RBFOX1: variants seen among roughly 807,000 people sequenced by gnomAD.
The protein encoded by RBFOX1 is RNA binding protein fox-1 homolog 1.
In RBFOX1, 8 loss-of-function variants were observed where a neutral mutation model predicts 57.7. The observed-to-expected ratio is 0.14, with a 90% CI of 0.08 to 0.25. RBFOX1 has a LOEUF of 0.25. Ranked by LOEUF, RBFOX1 falls within the 10% of genes least tolerant of loss-of-function variation. The pLI is 1.00. For missense variants in RBFOX1, 611 were observed against 548.5 expected (o/e 1.11, Z -1.14); for synonymous variants, 326 against 222.4 (o/e 1.47, Z -4.15).
At chr16:7,466,503 C>G (rs1447776898) in intron 4 of RBFOX1, among the ~76,000 whole-genome samples, 1 of 152,050 alleles carries the variant, frequency 6.6e-6, no homozygotes, top group Non-Finnish European at 1.5e-5. Flanking sequence ...GTTAATGGAG[C>G]CCAGATGTGA....
At chr16:6,283,653 C>A (rs895142808) in intron 1 of RBFOX1, among the ~76,000 whole-genome samples, 1 of 152,202 alleles carries the variant, frequency 6.6e-6, no homozygotes, top group Non-Finnish European at 1.5e-5. Context: ...CCCTTTGTCC[C>A]TACGTGCCGT....
intron 5 of RBFOX1, among the ~76,000 whole-genome samples, chr16:7,568,611 C>T (rs895708054): frequency 3.3e-5 from 5 of 151,948 alleles, no homozygotes; most frequent in African/African-American, 7.2e-5. Flanking sequence ...ACTGGCTGGG[C>T]GCGGTGGCTC....
chr16:6,108,070 A>G (rs1235769666), intron 1 of RBFOX1, among the ~76,000 whole-genome samples: 1 of 152,210 alleles, frequency 6.6e-6, no homozygotes, highest in Non-Finnish European at 1.5e-5. Flanking sequence ...TACTTAATGG[A>G]TCATAAGAAT....
intron 3 of RBFOX1, among the ~76,000 whole-genome samples, chr16:5,773,041 T>G (rs1293542717): frequency 6.6e-6 from 1 of 151,814 alleles, no homozygotes; most frequent in Non-Finnish European, 1.5e-5. Context: ...AAGATGAAGT[T>G]GCGGAGGGGC....
intron 3 of RBFOX1, among the ~76,000 whole-genome samples, chr16:6,883,675 C>T (rs994372484): frequency 2.0e-5 from 3 of 152,142 alleles, no homozygotes; most frequent in East Asian, 1.9e-4. Flanking sequence ...GAAACCTTGC[C>T]TCCCACATCC....
At chr16:7,565,573 C>T (rs975889234) in intron 5 of RBFOX1, among the ~76,000 whole-genome samples, 1 of 152,188 alleles carries the variant, frequency 6.6e-6, no homozygotes, top group Non-Finnish European at 1.5e-5. Context: ...GACCGCTCTT[C>T]AGTCTGCAAG....
In RBFOX1 at chr16:6,348,315, T is replaced by C. The variant is rs181503616; in HGVS notation, c.-64+31258T>C. On this transcript the variant is annotated intron_variant, in intron 2 of 15. Coordinates refer to ENST00000550418, the MANE Select transcript of RBFOX1 (RefSeq NM_018723.4). ...ATTTGTCTCCTCTGTAAAAGAGAGATGGTATAGATGACACCATATGCTTCT... is the reference window on the plus strand; with the variant it reads ...ATTTGTCTCCTCTGTAAAAGAGAGACGGTATAGATGACACCATATGCTTCT... Among the ~76,000 whole-genome samples the C allele has an allele frequency of 3.3e-4, 50 of 152,282 alleles. 1 individual carries two copies. Among genetic ancestry groups the C allele is most frequent in the African/African-American group, 6.7e-4 (28 of 41,564 alleles).
chr16:7,591,813 A>T (rs1371505674), intron 7 of RBFOX1, among the ~76,000 whole-genome samples: 1 of 152,192 alleles, frequency 6.6e-6, no homozygotes, highest in African/African-American at 2.4e-5. Flanking sequence ...AGGTAAAAAT[A>T]TTCATCATCT....
At chr16:6,427,046 A>G (rs2093949322) in intron 2 of RBFOX1, among the ~76,000 whole-genome samples, 1 of 152,216 alleles carries the variant, frequency 6.6e-6, no homozygotes, top group African/African-American at 2.4e-5. Flanking sequence ...GTTATTATAG[A>G]TTAGCCCTGC....
chr16:7,481,859 T>C (rs985201916), intron 4 of RBFOX1, among the ~76,000 whole-genome samples: 1 of 152,234 alleles, frequency 6.6e-6, no homozygotes, highest in African/African-American at 2.4e-5. Flanking sequence ...GTCTGTAGTT[T>C]GGCAAACCAT....
chr16:7,189,554 A>C (rs77551263), intron 4 of RBFOX1, among the ~76,000 whole-genome samples: 2,253 of 135,728 alleles, frequency 0.017, 48 homozygotes, highest in East Asian at 0.045. Context: ...TGTCCCCCAA[A>C]ACACACACAC....
chr16:6,247,693 A>T (rs1278331436), intron 1 of RBFOX1, among the ~76,000 whole-genome samples: 1 of 152,208 alleles, frequency 6.6e-6, no homozygotes, highest in African/African-American at 2.4e-5. Flanking sequence ...TGCCAAAGTC[A>T]TGTAGCAAAA....
chr16:6,112,672 C>A (rs1227399589), intron 1 of RBFOX1, among the ~76,000 whole-genome samples: 1 of 143,034 alleles, frequency 7.0e-6, no homozygotes, highest in Non-Finnish European at 1.5e-5. Flanking sequence ...GCCTGGGCAA[C>A]AAGAGCAAAA....
chr16:6,331,454 G>A (rs1567952573), intron 2 of RBFOX1, among the ~76,000 whole-genome samples: 1 of 151,650 alleles, frequency 6.6e-6, no homozygotes, highest in African/African-American at 2.4e-5. Context: ...AGTCTGGGAG[G>A]GAAGGATGAC....
intron 4 of RBFOX1, among the ~76,000 whole-genome samples, chr16:7,058,024 A>C (rs1433700762): frequency 6.7e-6 from 1 of 149,552 alleles, no homozygotes; most frequent in Non-Finnish European, 1.5e-5. Context: ...AAAAAAAAAC[A>C]CGAAAACCAC....
At chr16:6,776,800 C>T (rs2079449756) in intron 3 of RBFOX1, among the ~76,000 whole-genome samples, 1 of 152,204 alleles carries the variant, frequency 6.6e-6, no homozygotes, top group African/African-American at 2.4e-5. Context: ...GATACTGTAA[C>T]AAGTTACCAC....
intron 2 of RBFOX1, among the ~76,000 whole-genome samples, chr16:5,564,759 A>G (rs548735004): frequency 2.0e-5 from 3 of 152,290 alleles, no homozygotes; most frequent in South Asian, 2.1e-4. Context: ...TATCAAGTTC[A>G]TCATGGTCTT....
intron 1 of RBFOX1, among the ~76,000 whole-genome samples, chr16:6,215,983 C>T (rs1452337517): frequency 1.3e-5 from 2 of 152,118 alleles, no homozygotes; most frequent in Middle Eastern, 3.2e-3. Flanking sequence ...TTTGCAGGGA[C>T]ATGGATGGAG....
chr16:5,481,274 A>G (rs901301380), intron 2 of RBFOX1, among the ~76,000 whole-genome samples: 2 of 152,226 alleles, frequency 1.3e-5, no homozygotes, highest in African/African-American at 2.4e-5. Context: ...TCACCCCAGC[A>G]TAATGTCTGG....
Sources: gnomAD v4.1 joint callset for allele counts (sites outside exome capture counted in the v4.1 genomes callset) on GRCh38, gnomAD v4.1.1 for gene constraint, MANE v1.5 for transcripts, NCBI Gene and HGNC (gene_info 2026-07-23, HGNC 2026-07-21) for gene names.